The following RNF150 variants were observed in gnomAD, a reference collection of about 807,000 sequenced individuals.
RNF150 encodes ring finger protein 150.
Under a neutral mutation model 39.3 loss-of-function variants are expected in RNF150, and 24 were observed. The observed-to-expected ratio is 0.61, with a 90% CI of 0.44 to 0.86. The LOEUF is 0.86. RNF150 is among the 40% of genes least tolerant of loss of function. The pLI is 0.00. For synonymous variants in RNF150, 255 were observed against 227.3 expected (o/e 1.12, Z -1.10); for missense variants, 502 against 587.8 (o/e 0.85, Z 1.51).
At chr4:141,006,924 T>C (rs1300572790) in intron 1 of RNF150, among the ~76,000 whole-genome samples, 2 of 152,198 alleles carry the variant, frequency 1.3e-5, no homozygotes, top group Non-Finnish European at 2.9e-5. Flanking sequence ...ATTGATAAAA[T>C]AGTGTTGGTC....
intron 1 of RNF150, among the ~76,000 whole-genome samples, chr4:141,118,826 T>C (rs1726514891): frequency 6.6e-6 from 1 of 152,178 alleles, no homozygotes; most frequent in African/African-American, 2.4e-5. Context: ...AGTGGCTCGA[T>C]CTCGGCTCAC....
chr4:141,202,620 T>G (rs1199708977), intron 1 of RNF150, among the ~76,000 whole-genome samples: 1 of 152,054 alleles, frequency 6.6e-6, no homozygotes, highest in African/African-American at 2.4e-5. Flanking sequence ...TTTAAAAGCC[T>G]TTTGGACTTT....
At chr4:141,122,650 T>G (rs943600676) in intron 1 of RNF150, among the ~76,000 whole-genome samples, 2 of 152,152 alleles carry the variant, frequency 1.3e-5, no homozygotes, top group African/African-American at 4.8e-5. Flanking sequence ...AAGAGAAAAG[T>G]GGAAACATCA....
intron 1 of RNF150, among the ~76,000 whole-genome samples, chr4:141,169,330 C>T (rs1727661534): frequency 6.6e-6 from 1 of 152,140 alleles, no homozygotes; most frequent in Non-Finnish European, 1.5e-5. Flanking sequence ...TCCCCAGGAG[C>T]TAAGCAGATG....
intron 1 of RNF150, among the ~76,000 whole-genome samples, chr4:141,181,076 T>G (rs940309050): frequency 6.6e-6 from 1 of 152,196 alleles, no homozygotes; most frequent in Non-Finnish European, 1.5e-5. Flanking sequence ...CTAGAGGTAT[T>G]ATCATATGCT....
chr4:141,064,016 TG>T (rs1737354422), intron 1 of RNF150, among the ~76,000 whole-genome samples: 1 of 147,350 alleles, frequency 6.8e-6, no homozygotes, highest in Non-Finnish European at 1.5e-5. Flanking sequence ...AAAGGACTGA[TG>T]GCTTCATAAA....
chr4:140,999,977 A>AGAAGAAGAAGAAGAAGAAG (rs70946722), intron 1 of RNF150, among the ~76,000 whole-genome samples: 1 of 34,712 alleles, frequency 2.9e-5, no homozygotes, highest in African/African-American at 9.5e-5. Flanking sequence ...AAGAAGAAGA[A>AGAAGAAGAAGAAGAAGAAG]AAGAAGAAAA....
rs144573647 is a variant in RNF150 at position 141,058,374 on chromosome 4, T to C, written c.484+73951A>G. Among the ~76,000 whole-genome samples, 13 of 152,238 alleles carry C rather than the reference T, an allele frequency of 8.5e-5. No homozygotes were observed. In the East Asian group the frequency reaches 2.3e-3, roughly 27 times the overall value. ...GAAAATCCCTTACCCTTAATCTTCC[T>C]ATCCAGGGACTGAAAATTTTGGTAG... On this transcript the variant is annotated intron_variant, in intron 1 of 6. Transcript: ENST00000515673.
chr4:141,143,522 G>C (rs375653600), intron 1 of RNF150, among the ~76,000 whole-genome samples: 2 of 152,058 alleles, frequency 1.3e-5, no homozygotes. Context: ...CACCAGGCTC[G>C]CTTGTCACAG....
chr4:141,206,111 CCTT>C (rs1421271091), intron 1 of RNF150, among the ~76,000 whole-genome samples: 5 of 152,074 alleles, frequency 3.3e-5, no homozygotes, highest in Non-Finnish European at 5.9e-5. Flanking sequence ...TCTTTTCTCT[CCTT>C]CTTTTATTTA....
intron 4 of RNF150, among the ~76,000 whole-genome samples, chr4:140,940,842 C>G (rs112772286): frequency 6.6e-6 from 1 of 152,220 alleles, no homozygotes; most frequent in Admixed American, 6.5e-5. Context: ...CTGGGCCATT[C>G]TGCCTATGGG....
At chr4:141,177,054 G>GA (rs5862514) in intron 1 of RNF150, among the ~76,000 whole-genome samples, 40,776 of 111,516 alleles carry the variant, frequency 0.37, 8,566 homozygotes, top group Non-Finnish European at 0.5. Flanking sequence ...TGTCTCCTAG[G>GA]AAAAAAAAAA....
intron 4 of RNF150, among the ~76,000 whole-genome samples, chr4:140,942,960 C>A (rs1320798025): frequency 6.6e-6 from 1 of 152,190 alleles, no homozygotes; most frequent in African/African-American, 2.4e-5. Context: ...AGATGAGAAG[C>A]TGCTTTTCTC....
At chr4:141,129,052 C>T (rs1297025578) in intron 1 of RNF150, among the ~76,000 whole-genome samples, 2 of 152,142 alleles carry the variant, frequency 1.3e-5, no homozygotes, top group Non-Finnish European at 2.9e-5. Flanking sequence ...TTTTGGAAAA[C>T]AGTCTAGAAG....
chr4:141,099,375 AT>A (rs1738921618), intron 1 of RNF150, among the ~76,000 whole-genome samples: 1 of 152,146 alleles, frequency 6.6e-6, no homozygotes. Context: ...TCAATATCAG[AT>A]TGATCTGGAT....
chr4:140,906,339 T>C (rs554897293), intron 6 of RNF150, among the ~76,000 whole-genome samples: 87 of 151,986 alleles, frequency 5.7e-4, no homozygotes, highest in African/African-American at 1.8e-3. Flanking sequence ...AATATACAAA[T>C]AAAAATAATA....
intron 5 of RNF150, among the ~76,000 whole-genome samples, chr4:140,922,250 T>C (rs1002429354): frequency 1.3e-5 from 2 of 151,500 alleles, no homozygotes; most frequent in Admixed American, 6.6e-5. Flanking sequence ...CTTCTTAAGC[T>C]GATAAGCAAC....
intron 4 of RNF150, among the ~76,000 whole-genome samples, chr4:140,943,206 G>A (rs1315169167): frequency 3.3e-5 from 5 of 151,986 alleles, no homozygotes; most frequent in African/African-American, 1.2e-4. Context: ...TAGTATCGAA[G>A]GCCAAAGGAA....
intron 1 of RNF150, among the ~76,000 whole-genome samples, chr4:141,124,743 C>T (rs1465590092): frequency 6.6e-6 from 1 of 152,192 alleles, no homozygotes; most frequent in African/African-American, 2.4e-5. Context: ...CCATTTATAA[C>T]AGAGATTCCA....
Sources: gnomAD v4.1 joint callset for allele counts (sites outside exome capture counted in the v4.1 genomes callset) on GRCh38, gnomAD v4.1.1 for gene constraint, MANE v1.5 for transcripts, NCBI Gene and HGNC (gene_info 2026-07-23, HGNC 2026-07-21) for gene names.